The following GPD2 variants were observed in gnomAD, a reference collection of about 807,000 sequenced individuals.
GPD2 encodes glycerol-3-phosphate dehydrogenase, mitochondrial.
In GPD2, 54 loss-of-function variants were observed where a neutral mutation model predicts 82.4. The observed-to-expected ratio is 0.66, with a 90% confidence interval of 0.53 to 0.82. The LOEUF (loss-of-function observed/expected upper bound fraction) is 0.82. Among genes scored for constraint, GPD2 ranks in the 40% least tolerant of loss-of-function variants. The pLI is 0.00. For missense variants in GPD2, 748 were observed against 896.2 expected, an observed-to-expected ratio of 0.83 and a Z score of 2.11; for synonymous variants, 288 against 306.1, an observed-to-expected ratio of 0.94 and a Z score of 0.62.
Position 156,583,220 on chromosome 2 carries a change from T to A in GPD2, c.*302T>A. The A allele has an allele frequency of 2.7e-6, 1 of 367,056 alleles. No individual in the cohort carries two copies. The highest frequency in any genetic ancestry group is 2.4e-5 in the South Asian group (1 of 41,402). 22.7% of individuals were successfully genotyped at this position (367,056 alleles called of 1,614,324 possible). ...TGTGACACATTCTCTTTTTGTTTAT[T>A]CCCTTATTCTAAATGAGTTCTAAAA... On this transcript the variant is annotated 3_prime_UTR_variant, in exon 17 of 17. Transcript: ENST00000438166.
chr2:156,476,897 C>T (rs1457801878), intron 2 of GPD2, among the ~76,000 whole-genome samples: 1 of 152,214 alleles, frequency 6.6e-6, no homozygotes, highest in South Asian at 2.1e-4. Context: ...CTTGTTCCCC[C>T]ATCCCATGTC....
At chr2:156,411,274 G>A in the GPD2 span, among the ~76,000 whole-genome samples, 771 of 152,126 alleles carry the variant, frequency 5.1e-3, 10 homozygotes, top group African/African-American at 0.018. Flanking sequence ...TACTTCATTT[G>A]TATAACTTTC....
chr2:156,541,130 T>C (rs543734937), intron 6 of GPD2, among the ~76,000 whole-genome samples: 1 of 152,240 alleles, frequency 6.6e-6, no homozygotes, highest in Non-Finnish European at 1.5e-5. Context: ...CTCATTACTA[T>C]TCTCCTTCCA....
At chr2:156,571,045 G>A in intron 12 of GPD2, 89 bp from the exon 13 acceptor site, 1 of 891,754 alleles carries the variant, frequency 1.1e-6, no homozygotes, top group Non-Finnish European at 1.9e-6. Context: ...CCTTTGTGAA[G>A]CACACATTTA....
chr2:156,576,050 C>G (rs1037883107), intron 13 of GPD2, among the ~76,000 whole-genome samples: 2 of 152,114 alleles, frequency 1.3e-5, no homozygotes, highest in Non-Finnish European at 2.9e-5. Flanking sequence ...AAATGGCAAA[C>G]CTTACATTAG....
At chr2:156,551,367 T>C (rs748778863) in intron 8 of GPD2, among the ~76,000 whole-genome samples, 12 of 152,282 alleles carry the variant, frequency 7.9e-5, no homozygotes, top group African/African-American at 1.7e-4. Flanking sequence ...TTAAACTCTT[T>C]TTATATATGT....
intron 2 of GPD2, among the ~76,000 whole-genome samples, chr2:156,479,660 T>C (rs1034089446): frequency 6.6e-6 from 1 of 152,144 alleles, no homozygotes; most frequent in African/African-American, 2.4e-5. Context: ...AGGAAGTTGA[T>C]GAGGAAAGGA....
chr2:156,445,020 A>G (rs1392606441), intron 1 of GPD2, among the ~76,000 whole-genome samples: 1 of 152,220 alleles, frequency 6.6e-6, no homozygotes, highest in East Asian at 1.9e-4. Flanking sequence ...AAGTGCTGGG[A>G]TTACAGGCAT....
chr2:156,474,737 T>C (rs989282954), intron 1 of GPD2, among the ~76,000 whole-genome samples: 37 of 152,194 alleles, frequency 2.4e-4, no homozygotes, highest in African/African-American at 7.5e-4. Flanking sequence ...ATCAAAACTT[T>C]AGAAAATTCC....
chr2:156,406,042 G>A, the GPD2 span, among the ~76,000 whole-genome samples: 7 of 149,306 alleles, frequency 4.7e-5, no homozygotes, highest in African/African-American at 1.5e-4. Flanking sequence ...CCAAAGCAAT[G>A]CCTTTTTTTT....
At chr2:156,535,029 C>T (rs1686010126) in intron 6 of GPD2, among the ~76,000 whole-genome samples, 2 of 152,004 alleles carry the variant, frequency 1.3e-5, no homozygotes, top group African/African-American at 4.8e-5. Context: ...AACACTGTGG[C>T]CAAAGCATGC....
At chr2:156,518,887 A>T (rs1685294462) in intron 6 of GPD2, among the ~76,000 whole-genome samples, 1 of 152,258 alleles carries the variant, frequency 6.6e-6, no homozygotes, top group South Asian at 2.1e-4. Context: ...CAGAATATTA[A>T]TAGCAAGTCC....
At chr2:156,488,698 C>T (rs965472068) in intron 2 of GPD2, among the ~76,000 whole-genome samples, 3 of 151,570 alleles carry the variant, frequency 2.0e-5, no homozygotes, top group East Asian at 1.9e-4. Flanking sequence ...TCAGGGTGAA[C>T]GTTCTCTGGG....
intron 1 of GPD2, among the ~76,000 whole-genome samples, chr2:156,452,317 C>T (rs1001847898): frequency 9.9e-5 from 15 of 152,240 alleles, no homozygotes; most frequent in Non-Finnish European, 1.6e-4. Context: ...CTCTGGAGGC[C>T]GAGGCTGGCG....
At chr2:156,459,253 CAG>C (rs1361234400) in intron 1 of GPD2, among the ~76,000 whole-genome samples, 14 of 151,932 alleles carry the variant, frequency 9.2e-5, no homozygotes, top group Non-Finnish European at 2.1e-4. Context: ...TTTTTCAAGT[CAG>C]AGTGGGTTAA....
intron 10 of GPD2, among the ~76,000 whole-genome samples, 164 bp from the exon 11 acceptor site, chr2:156,569,199 A>G (rs1202734996): frequency 6.6e-6 from 1 of 151,676 alleles, no homozygotes; most frequent in East Asian, 1.9e-4. Flanking sequence ...ATCTCTTTTA[A>G]CTTTATTGAA....
the GPD2 span, among the ~76,000 whole-genome samples, chr2:156,414,786 T>C: frequency 6.6e-6 from 1 of 152,216 alleles, no homozygotes; most frequent in African/African-American, 2.4e-5. Flanking sequence ...ATCATTCCCA[T>C]TTACATTTTT....
At chr2:156,438,734 GTCT>G (rs965063260) in intron 1 of GPD2, among the ~76,000 whole-genome samples, 3 of 152,190 alleles carry the variant, frequency 2.0e-5, no homozygotes, top group Non-Finnish European at 4.4e-5. Context: ...ATGAACACTA[GTCT>G]TCTTAAATGA....
chr2:156,512,968 A>G (rs1322233885), intron 5 of GPD2, among the ~76,000 whole-genome samples: 1 of 152,144 alleles, frequency 6.6e-6, no homozygotes, highest in Non-Finnish European at 1.5e-5. Flanking sequence ...TTCCTGAACC[A>G]GTGATTCTTA....
Sources: gnomAD v4.1 joint callset for allele counts (sites outside exome capture counted in the v4.1 genomes callset) on GRCh38, gnomAD v4.1.1 for gene constraint, MANE v1.5 for transcripts, NCBI Gene and HGNC (gene_info 2026-07-23, HGNC 2026-07-21) for gene names.